Variants in DBT observed in about 807,000 individuals in gnomAD.
DBT encodes lipoamide acyltransferase component of branched-chain alpha-keto acid dehydrogenase complex, mitochondrial.
DBT carries 40 observed loss-of-function variants against 51.3 expected under a neutral mutation model. The observed-to-expected ratio is 0.78, with a 90% CI of 0.61 to 1.02. The LOEUF is 1.02. Ranked by LOEUF, DBT falls within the 50% of genes least tolerant of loss-of-function variation. The pLI is 0.00. For synonymous variants in DBT, 181 were observed against 190.4 expected, an observed-to-expected ratio of 0.95 and a Z score of 0.41; for missense variants, 510 against 580.2, an observed-to-expected ratio of 0.88 and a Z score of 1.24.
intron 10 of DBT, among the ~76,000 whole-genome samples, chr1:100,198,697 A>C (rs1333797094): frequency 6.6e-6 from 1 of 152,178 alleles, no homozygotes; most frequent in Non-Finnish European, 1.5e-5. Flanking sequence ...CAGAGAACTG[A>C]TTTGGAAATA....
intron 5 of DBT, 132 bp from the exon 6 acceptor site, chr1:100,216,331 C>T: frequency 1.4e-6 from 1 of 701,536 alleles, no homozygotes; most frequent in African/African-American, 1.8e-5. Context: ...ATAACCTTTT[C>T]ATTTTCTACT....
intron 4 of DBT, among the ~76,000 whole-genome samples, chr1:100,221,515 G>A (rs1253170972): frequency 1.3e-5 from 2 of 152,058 alleles, no homozygotes; most frequent in Non-Finnish European, 2.9e-5. Flanking sequence ...ATTTCTCAAT[G>A]TTACCAATGT....
intron 7 of DBT, chr1:100,213,731 G>A: frequency 6.4e-7 from 1 of 1,558,754 alleles, no homozygotes; most frequent in Non-Finnish European, 8.7e-7. Flanking sequence ...TAAATGTTGT[G>A]TTCAATAGTT....
At position 100,193,285 on chromosome 1, in the gene DBT, A is replaced by AT. The variant is rs921197858; in HGVS notation, c.*2969dup. ...TTCTTTAAGTGAGGAGGACATTTTT[A>AT]TTGATCATGTCATTATTCATTTAAA... On this transcript the variant is annotated 3_prime_UTR_variant, in exon 11 of 11. Transcript: ENST00000370132. The AT allele has an allele frequency of 3.9e-5, 6 of 152,146 alleles. No individual in the cohort carries two copies. The highest frequency in any genetic ancestry group is 1.4e-4 in the African/African-American group (6 of 41,424). 9.4% of individuals were successfully genotyped at this position (152,146 alleles called of 1,614,324 possible).
rs59843533 is a variant in DBT at position 100,247,697 on chromosome 1, CAA to C, written c.51+2071_51+2072del. ...CTGGGCAACAGATCAAGACTCTTCT[CAA>C]AAAAAAAAAAAAAAAAAATTAAGAG... On this transcript the variant is annotated intron_variant, in intron 1 of 10. Coordinates refer to ENST00000370132, the MANE Select transcript of DBT (RefSeq NM_001918.5). Among the ~76,000 whole-genome samples, 419 of 107,864 alleles carry C rather than the reference CAA, an allele frequency of 3.9e-3. 1 individual carries two copies. Among genetic ancestry groups the C allele is most frequent in the African/African-American group, 0.013 (369 of 29,292 alleles). The allele number at this position is 107,864 out of a possible 152,430, so 70.8% of individuals were successfully genotyped here.
chr1:100,248,714 AAG>A (rs1356836470), intron 1 of DBT, among the ~76,000 whole-genome samples: 2 of 152,234 alleles, frequency 1.3e-5, no homozygotes. Flanking sequence ...CTCTAGAAAG[AAG>A]AGAGACCAAT....
At position 100,193,322 on chromosome 1, in the gene DBT, G is replaced by T. The variant is rs1051133771; in HGVS notation, c.*2933C>A. 2.0e-5 allele frequency: 3 copies of T among 152,150 alleles called. 1 individual carries two copies. The highest frequency in any genetic ancestry group is 1.5e-5 in the Non-Finnish European group (1 of 68,038). 9.4% of individuals were successfully genotyped at this position (152,150 alleles called of 1,614,324 possible). ...ATTATTCATTTAAAACTCAATAAAT[G>T]CCTATCAATAGATAATTGGTTAAAT... On this transcript the variant is annotated 3_prime_UTR_variant, in exon 11 of 11. Transcript: ENST00000370132.
chr1:100,197,084 C>G (rs542176248), intron 10 of DBT: 1 of 169,090 alleles, frequency 5.9e-6, no homozygotes, highest in East Asian at 1.6e-4. Flanking sequence ...AAATATATAT[C>G]TTTTCACTAT....
At chr1:100,217,009 G>A (rs1662531992) in intron 5 of DBT, among the ~76,000 whole-genome samples, 1 of 152,048 alleles carries the variant, frequency 6.6e-6, no homozygotes, top group Non-Finnish European at 1.5e-5. Context: ...GTAACAAATG[G>A]ACTATGAAAA....
rs1393057063 is a variant in DBT at position 100,191,747 on chromosome 1, TATACACACACACACAC to T, written c.*4492_*4507del. 16 of 146,530 alleles carry T rather than the reference TATACACACACACACAC, an allele frequency of 1.1e-4. No homozygotes were observed. Among genetic ancestry groups the T allele is most frequent in the African/African-American group, 3.4e-4 (13 of 38,724 alleles). The allele number at this position is 146,530 out of a possible 1,614,324, so 9.1% of individuals were successfully genotyped here. A position where few individuals can be genotyped will look rare whatever the true frequency, so the allele number is the denominator to read the frequency against. ...GTGTGTGTATATATATGTGTGTGTG[TATACACACACACACAC>T]ACACACACACACACACACACACACA... On this transcript the variant is annotated 3_prime_UTR_variant, in exon 11 of 11. Coordinates refer to ENST00000370132, the MANE Select transcript of DBT (RefSeq NM_001918.5).
At chr1:100,226,625 G>T (rs1225484304) in intron 4 of DBT, among the ~76,000 whole-genome samples, 3 of 152,018 alleles carry the variant, frequency 2.0e-5, no homozygotes, top group Non-Finnish European at 4.4e-5. Flanking sequence ...AAAGTAATAG[G>T]AAGCACCCCT....
chr1:100,213,776 C>T (rs1388844578), intron 7 of DBT: 55 of 1,475,180 alleles, frequency 3.7e-5, no homozygotes, highest in Non-Finnish European at 4.9e-5. Flanking sequence ...TTTTGTAAAG[C>T]GAGGTGGGAC....
intron 7 of DBT, among the ~76,000 whole-genome samples, chr1:100,212,751 G>A (rs1469798425): frequency 2.0e-5 from 3 of 152,150 alleles, no homozygotes; most frequent in Non-Finnish European, 1.5e-5. Context: ...GGATTTGCAG[G>A]TGTTTGATCG....
intron 4 of DBT, among the ~76,000 whole-genome samples, chr1:100,225,477 T>C (rs1663137930): frequency 6.6e-6 from 1 of 152,146 alleles, no homozygotes; most frequent in Admixed American, 6.6e-5. Flanking sequence ...TATAATTTGC[T>C]ATACCCAGAC....
chr1:100,205,911 C>T (rs1198926613), intron 10 of DBT, among the ~76,000 whole-genome samples: 1 of 152,128 alleles, frequency 6.6e-6, no homozygotes, highest in South Asian at 2.1e-4. Context: ...GAACACCATA[C>T]ACTGGGGACC....
At chr1:100,209,751 A>C (rs1310407807) in intron 8 of DBT, among the ~76,000 whole-genome samples, 3 of 151,758 alleles carry the variant, frequency 2.0e-5, no homozygotes, top group African/African-American at 4.8e-5. Flanking sequence ...TAGTAGAGAC[A>C]GGGTTTCACC....
rs1193354263 is a variant in DBT, at chr1:100,189,165, A to AC, written c.*7089dup. 4 of 152,046 alleles carry AC rather than the reference A, an allele frequency of 2.6e-5. No individual in the cohort carries two copies. In the East Asian group the frequency reaches 5.8e-4, roughly 22 times the overall value. 9.4% of individuals were successfully genotyped at this position (152,046 alleles called of 1,614,324 possible). Reference sequence around the variant, plus strand: ...AGACCAGCCTGGCCAACATGGCGAAACCCCATCTCTGCTAAAAATAGAAAA... The same window carrying AC: ...AGACCAGCCTGGCCAACATGGCGAAACCCCCATCTCTGCTAAAAATAGAAAA... On this transcript the variant is annotated 3_prime_UTR_variant, in exon 11 of 11. Transcript: ENST00000370132.
chr1:100,240,247 A>C (rs1664131782), intron 2 of DBT, among the ~76,000 whole-genome samples: 1 of 152,226 alleles, frequency 6.6e-6, no homozygotes, highest in East Asian at 1.9e-4. Context: ...ATGCCAACAC[A>C]AAGACACCTC....
intron 1 of DBT, among the ~76,000 whole-genome samples, chr1:100,242,293 T>A (rs1664273190): frequency 1.3e-5 from 2 of 152,168 alleles, no homozygotes; most frequent in Non-Finnish European, 2.9e-5. Flanking sequence ...AGTACAGTCA[T>A]GTTTTAATAC....
Sources: gnomAD v4.1 joint callset for allele counts (sites outside exome capture counted in the v4.1 genomes callset) on GRCh38, gnomAD v4.1.1 for gene constraint, MANE v1.5 for transcripts, NCBI Gene and HGNC (gene_info 2026-07-23, HGNC 2026-07-21) for gene names.